Variants in DLGAP1 observed in about 807,000 individuals in gnomAD.
DLGAP1 encodes DLG associated protein 1, also known as disks large-associated protein 1.
DLGAP1 carries 11 observed loss-of-function variants against 90.8 expected under a neutral mutation model. The observed-to-expected ratio is 0.12, with a 90% CI of 0.08 to 0.20. The LOEUF is 0.20. Ranked by LOEUF, DLGAP1 falls within the 10% of genes least tolerant of loss-of-function variation. DLGAP1 has a pLI of 1.00. For synonymous variants in DLGAP1, 558 were observed against 540.7 expected (o/e 1.03, Z -0.44); for missense variants, 1,050 against 1,333.8 (o/e 0.79, Z 3.31).
intron 2 of DLGAP1, among the ~76,000 whole-genome samples, chr18:4,016,030 C>T (rs935576412): frequency 6.6e-6 from 1 of 152,144 alleles, no homozygotes; most frequent in Non-Finnish European, 1.5e-5. Context: ...CATTAATTTT[C>T]CAACTTTAAG....
chr18:3,729,062 G>C lies in DLGAP1; in HGVS notation c.1591+73C>G. 6 of 1,523,524 alleles carry C rather than the reference G, an allele frequency of 3.9e-6. No homozygotes were observed. The highest frequency in any genetic ancestry group is 5.3e-6 in the Non-Finnish European group (6 of 1,136,422). 94.4% of individuals were successfully genotyped at this position (1,523,524 alleles called of 1,614,324 possible). On this transcript the variant is annotated intron_variant, in intron 7 of 12. Coordinates refer to ENST00000315677, the MANE Select transcript of DLGAP1 (RefSeq NM_004746.4). The surrounding 1 kb of genome is among the most constrained non-coding windows in gnomAD (Gnocchi z 6.2). ...TGGCAACTATGTGTGTTGACAGCAAGGGCACAGTCTTTGGGGACAGTCGTG... is the reference window on the plus strand; with the variant it reads ...TGGCAACTATGTGTGTTGACAGCAACGGCACAGTCTTTGGGGACAGTCGTG...
At chr18:3,835,657 A>G (rs1054982696) in intron 4 of DLGAP1, among the ~76,000 whole-genome samples, 3 of 151,912 alleles carry the variant, frequency 2.0e-5, no homozygotes, top group African/African-American at 7.3e-5. Context: ...CAAAAAAAAA[A>G]AAAAAAAGAA....
chr18:4,331,938 A>C (rs958188995), intron 1 of DLGAP1, among the ~76,000 whole-genome samples: 2 of 151,960 alleles, frequency 1.3e-5, no homozygotes, highest in African/African-American at 4.9e-5. Flanking sequence ...TGAGAAGGAA[A>C]TGGTGAGCCT....
intron 7 of DLGAP1, among the ~76,000 whole-genome samples, chr18:3,610,105 C>T (rs890563406): frequency 4.6e-5 from 7 of 151,766 alleles, no homozygotes; most frequent in African/African-American, 1.7e-4. Context: ...TTCATCTCAT[C>T]GCTGTTCTCA....
At chr18:4,249,275 A>AG (rs1217380721) in intron 1 of DLGAP1, among the ~76,000 whole-genome samples, 1 of 152,158 alleles carries the variant, frequency 6.6e-6, no homozygotes, top group East Asian at 1.9e-4. Context: ...CCGGGCACAA[A>AG]GTAAAATGCT....
intron 3 of DLGAP1, among the ~76,000 whole-genome samples, chr18:3,943,451 G>GTTTTTTTTT (rs11453774): frequency 1.5e-5 from 2 of 131,244 alleles, no homozygotes; most frequent in Non-Finnish European, 3.1e-5. Context: ...GAAAGAGAGG[G>GTTTTTTTTT]TTTTTTTTTT....
intron 3 of DLGAP1, among the ~76,000 whole-genome samples, chr18:3,926,413 T>C (rs866678904): frequency 0.012 from 1,376 of 113,394 alleles, 17 homozygotes; most frequent in African/African-American, 0.042. Flanking sequence ...TATATATATA[T>C]ATATATATAC....
At chr18:4,449,103 A>G (rs1207823260) in intron 1 of DLGAP1, among the ~76,000 whole-genome samples, 1 of 152,166 alleles carries the variant, frequency 6.6e-6, no homozygotes, top group Non-Finnish European at 1.5e-5. Context: ...TACGTATCAG[A>G]CTCAATGGAG....
chr18:4,301,298 C>A (rs2080120472), intron 1 of DLGAP1, among the ~76,000 whole-genome samples: 1 of 152,174 alleles, frequency 6.6e-6, no homozygotes, highest in Non-Finnish European at 1.5e-5. Flanking sequence ...CATTACTCCA[C>A]CTCTCAGCCT....
At chr18:4,179,758 T>G (rs1418574993) in intron 1 of DLGAP1, among the ~76,000 whole-genome samples, 1 of 152,212 alleles carries the variant, frequency 6.6e-6, no homozygotes, top group Non-Finnish European at 1.5e-5. Context: ...TTTAAGTACA[T>G]GAATCCTAGA....
chr18:4,424,432 C>T (rs2083107984), intron 1 of DLGAP1, among the ~76,000 whole-genome samples: 2 of 152,136 alleles, frequency 1.3e-5, no homozygotes, highest in Non-Finnish European at 2.9e-5. Context: ...GATTTTTACA[C>T]CATCCTCCTA....
intron 5 of DLGAP1, among the ~76,000 whole-genome samples, chr18:3,751,066 T>C (rs1018803661): frequency 6.6e-6 from 1 of 152,222 alleles, no homozygotes; most frequent in African/African-American, 2.4e-5. Context: ...TCTGAGCTCT[T>C]AGAAGCAGAA....
chr18:3,656,186 G>A (rs908392108), intron 7 of DLGAP1: 23 of 1,290,374 alleles, frequency 1.8e-5, no homozygotes, highest in Non-Finnish European at 2.1e-5. Flanking sequence ...CATAACACAC[G>A]CATGCTTCAG....
chr18:4,100,204 A>T (rs965573147), intron 2 of DLGAP1, among the ~76,000 whole-genome samples: 2 of 152,172 alleles, frequency 1.3e-5, no homozygotes, highest in Non-Finnish European at 2.9e-5. Flanking sequence ...AAATAATAAG[A>T]CTTGGAAGTC....
At position 4,177,966 on chromosome 18, in the gene DLGAP1, C is replaced by A. The variant is rs577664839; in HGVS notation, c.-266-26679G>T. Reference sequence around the variant, plus strand: ...GTCTTTATGGAGACTAATTATTTTACCTTTAACTTTCCAGACATACATCCC... The same window carrying A: ...GTCTTTATGGAGACTAATTATTTTAACTTTAACTTTCCAGACATACATCCC... On this transcript the variant is annotated intron_variant, in intron 1 of 12. Transcript: ENST00000315677. 5.3e-5 allele frequency among the ~76,000 whole-genome samples: 8 copies of A among 152,028 alleles called. 1 individual carries two copies. In the East Asian group the frequency reaches 1.5e-3, roughly 29 times the overall value.
chr18:4,362,249 T>C (rs766285086), intron 1 of DLGAP1, among the ~76,000 whole-genome samples: 58 of 152,118 alleles, frequency 3.8e-4, no homozygotes, highest in Non-Finnish European at 7.4e-4. Flanking sequence ...CTCAAAAGAA[T>C]TGAAAGCAGA....
chr18:3,737,163 T>C (rs1204746428), intron 6 of DLGAP1, among the ~76,000 whole-genome samples: 2 of 147,820 alleles, frequency 1.4e-5, no homozygotes, highest in Non-Finnish European at 1.5e-5. Context: ...CAGGACCAGA[T>C]GGATTCACAG....
At chr18:4,292,318 T>TA (rs1210619858) in intron 1 of DLGAP1, among the ~76,000 whole-genome samples, 1 of 151,982 alleles carries the variant, frequency 6.6e-6, no homozygotes, top group Non-Finnish European at 1.5e-5. Flanking sequence ...AAAACAGAGA[T>TA]AAAAACAAAA....
chr18:4,239,029 C>T (rs118037174), intron 1 of DLGAP1, among the ~76,000 whole-genome samples: 31 of 152,298 alleles, frequency 2.0e-4, no homozygotes, highest in Non-Finnish European at 4.1e-4. Context: ...ACTGAGTAGG[C>T]AATAGTCAAA....
Sources: gnomAD v4.1 joint callset for allele counts (sites outside exome capture counted in the v4.1 genomes callset) on GRCh38, gnomAD v4.1.1 for gene constraint, Gnocchi (gnomAD v3.1) non-coding constraint, MANE v1.5 for transcripts, NCBI Gene and HGNC (gene_info 2026-07-23, HGNC 2026-07-21) for gene names.